FIGN: variants seen among roughly 807,000 people sequenced by gnomAD.
The protein encoded by FIGN is fidgetin.
A neutral mutation model predicts 51.3 loss-of-function variants in FIGN; 11 were observed. That is an observed-to-expected ratio of 0.21 (90% CI 0.13 to 0.35). The LOEUF (loss-of-function observed/expected upper bound fraction) is 0.35. FIGN is among the 10% of genes least tolerant of loss of function. The pLI is 1.00. For synonymous variants in FIGN, 407 were observed against 363.2 expected (o/e 1.12, Z -1.37); for missense variants, 857 against 943.6 (o/e 0.91, Z 1.20).
intron 2 of FIGN, among the ~76,000 whole-genome samples, chr2:163,623,706 T>G (rs1485951541): frequency 6.6e-6 from 1 of 152,188 alleles, no homozygotes; most frequent in Non-Finnish European, 1.5e-5. Context: ...TAATTTTGTT[T>G]GTACTTTACT....
At chr2:163,714,975 C>T (rs188667591) in intron 2 of FIGN, among the ~76,000 whole-genome samples, 2 of 152,302 alleles carry the variant, frequency 1.3e-5, no homozygotes, top group Non-Finnish European at 2.9e-5. Context: ...ATTTAACACT[C>T]ACATAATGCG....
chr2:163,694,551 A>G (rs1015609061), intron 2 of FIGN, among the ~76,000 whole-genome samples: 4 of 152,300 alleles, frequency 2.6e-5, no homozygotes, highest in Admixed American at 2.0e-4. Context: ...ACAGAACCAG[A>G]TCTTAGAACT....
chr2:163,626,768 G>T (rs942729247), intron 2 of FIGN, among the ~76,000 whole-genome samples: 9 of 152,052 alleles, frequency 5.9e-5, no homozygotes, highest in Non-Finnish European at 8.8e-5. Context: ...CAAGATACAG[G>T]TCATAAAGAC....
chr2:163,713,448 C>CCACA (rs145575229), intron 2 of FIGN, among the ~76,000 whole-genome samples: 31 of 148,434 alleles, frequency 2.1e-4, no homozygotes, highest in African/African-American at 4.7e-4. Flanking sequence ...CTTTCACACA[C>CCACA]CACACACACA....
chr2:163,614,881 G>A (rs1399617888), intron 2 of FIGN, among the ~76,000 whole-genome samples: 2 of 152,024 alleles, frequency 1.3e-5, no homozygotes, highest in Non-Finnish European at 1.5e-5. Flanking sequence ...ATGTTTTCTT[G>A]TAAATATATT....
chr2:163,667,090 G>C (rs561672307), intron 2 of FIGN, among the ~76,000 whole-genome samples: 1 of 151,938 alleles, frequency 6.6e-6, no homozygotes, highest in Non-Finnish European at 1.5e-5. Flanking sequence ...CACCCCAGAG[G>C]CATAGTTTCC....
intron 2 of FIGN, among the ~76,000 whole-genome samples, chr2:163,649,518 G>A (rs185373616): frequency 7.2e-4 from 109 of 152,250 alleles, no homozygotes; most frequent in Non-Finnish European, 1.2e-3. Flanking sequence ...GATGTTCCGT[G>A]TCCCAGCTGA....
intron 2 of FIGN, among the ~76,000 whole-genome samples, chr2:163,690,126 G>A (rs1034433361): frequency 4.6e-5 from 7 of 152,116 alleles, no homozygotes; most frequent in African/African-American, 1.7e-4. Flanking sequence ...AGTTACCAAT[G>A]ATTCAATGTC....
intron 2 of FIGN, among the ~76,000 whole-genome samples, chr2:163,627,790 C>A (rs896314373): frequency 2.0e-5 from 3 of 152,108 alleles, no homozygotes; most frequent in African/African-American, 7.2e-5. Flanking sequence ...AACAGACAAG[C>A]CAAAGTGAAA....
At position 163,609,643 on chromosome 2, in the gene FIGN, T is replaced by C; in HGVS notation, c.2189A>G (p.Glu730Gly). Residue 730 changes from glutamate to glycine, a missense_variant, in exon 3 of 3, where the codon GAA (glutamate) becomes GGA (glycine). Transcript: ENST00000333129. ...QLRPVTYQDF[E>G]NAFCKIQPSI... ...AGGCTGAATCTTGCAGAAAGCATTTTCAAAGTCTTGATATGTAACGGGCCT... is the reference window on the plus strand; with the variant it reads ...AGGCTGAATCTTGCAGAAAGCATTTCCAAAGTCTTGATATGTAACGGGCCT... 1 of 1,614,166 alleles carries C rather than the reference T, an allele frequency of 6.2e-7. No individual in the cohort carries two copies. The highest frequency in any genetic ancestry group is 8.5e-7 in the Non-Finnish European group (1 of 1,180,018).
intron 2 of FIGN, among the ~76,000 whole-genome samples, chr2:163,667,291 C>G (rs56328583): frequency 6.7e-6 from 1 of 150,162 alleles, no homozygotes; most frequent in African/African-American, 2.5e-5. Context: ...TCCTAACTGG[C>G]CTAACTGGTT....
At chr2:163,718,390 G>T (rs896435853) in intron 2 of FIGN, among the ~76,000 whole-genome samples, 6 of 152,086 alleles carry the variant, frequency 3.9e-5, no homozygotes, top group Non-Finnish European at 7.4e-5. Flanking sequence ...ATTTCATTTG[G>T]ATGTAACAGT....
At chr2:163,721,231 T>C (rs997730165) in intron 2 of FIGN, among the ~76,000 whole-genome samples, 2 of 152,194 alleles carry the variant, frequency 1.3e-5, no homozygotes, top group African/African-American at 4.8e-5. Flanking sequence ...TTCCTGATTA[T>C]AAACCAAGTA....
At chr2:163,702,401 G>A (rs1016792555) in intron 2 of FIGN, among the ~76,000 whole-genome samples, 10 of 152,072 alleles carry the variant, frequency 6.6e-5, no homozygotes, top group African/African-American at 9.7e-5. Context: ...CTGTAAGAGA[G>A]GTAAATTTCC....
intron 2 of FIGN, among the ~76,000 whole-genome samples, chr2:163,680,097 AC>A (rs1485814292): frequency 6.6e-6 from 1 of 152,340 alleles, no homozygotes; most frequent in East Asian, 1.9e-4. Flanking sequence ...CTCAAAGGGA[AC>A]TAGTCCCTAA....
chr2:163,687,937 T>G (rs537576672), intron 2 of FIGN, among the ~76,000 whole-genome samples: 1 of 152,202 alleles, frequency 6.6e-6, no homozygotes, highest in Non-Finnish European at 1.5e-5. Context: ...GGAGTTAGTA[T>G]ACAGATGCTT....
At chr2:163,686,370 A>C (rs979210331) in intron 2 of FIGN, among the ~76,000 whole-genome samples, 1 of 152,180 alleles carries the variant, frequency 6.6e-6, no homozygotes, top group African/African-American at 2.4e-5. Context: ...TGTACACTTA[A>C]TGTGGCGAAA....
chr2:163,669,107 T>G (rs1340461387), intron 2 of FIGN, among the ~76,000 whole-genome samples: 2 of 151,638 alleles, frequency 1.3e-5, no homozygotes, highest in African/African-American at 4.9e-5. Context: ...TAACTCCTTT[T>G]ACTCATTTAT....
chr2:163,652,550 A>C (rs1449231450), intron 2 of FIGN, among the ~76,000 whole-genome samples: 2 of 152,150 alleles, frequency 1.3e-5, no homozygotes, highest in African/African-American at 4.8e-5. Context: ...AAATTTAGGC[A>C]ATAATAGAGT....
Sources: allele counts gnomAD v4.1 joint callset (sites outside exome capture counted in the v4.1 genomes callset), GRCh38; gene constraint gnomAD v4.1.1; transcripts MANE v1.5; gene names NCBI Gene and HGNC (gene_info 2026-07-23, HGNC 2026-07-21).